VCPIP1: variants seen among roughly 807,000 people sequenced by gnomAD.
VCPIP1 encodes the protein deubiquitinating protein VCPIP1.
In VCPIP1, 8 loss-of-function variants were observed where a neutral mutation model predicts 85.0. That is an observed-to-expected ratio of 0.09 (90% CI 0.06 to 0.17). VCPIP1 has a LOEUF of 0.17. Among genes scored for constraint, VCPIP1 ranks in the 10% least tolerant of loss-of-function variants. The pLI is 1.00. For synonymous variants in VCPIP1, 543 were observed against 544.5 expected, an observed-to-expected ratio of 1.00 and a Z score of 0.04; for missense variants, 1,070 against 1,486.3, an observed-to-expected ratio of 0.72 and a Z score of 4.61.
Position 66,666,785 on chromosome 8 carries a change from T to C in VCPIP1, c.174A>G (p.Leu58=), listed in dbSNP as rs766748553. 15 of 1,613,246 alleles carry C rather than the reference T, an allele frequency of 9.3e-6. No homozygotes were observed. Among genetic ancestry groups the C allele is most frequent in the Middle Eastern group, 1.6e-4 (1 of 6,078 alleles). Reference sequence around the variant, plus strand: ...TGACAGAACCGGAGGCCGGGAAAAATAGACGCGCCTGACACTTCGGATCCG... The same window carrying C: ...TGACAGAACCGGAGGCCGGGAAAAACAGACGCGCCTGACACTTCGGATCCG... ...SCPDPKCQAR[L]FFPASGSVSI... is the part of the protein sequence containing the mutation. Residue 58 remains leucine (L), a synonymous_variant, in exon 1 of 3, where the codon CTA becomes CTG. Transcript: ENST00000310421. The surrounding 1 kb of genome is among the most constrained non-coding windows in gnomAD (Gnocchi z 6.3).
At position 66,635,215 on chromosome 8, in the gene VCPIP1, C is replaced by G; in HGVS notation, c.2955G>C (p.Gln985His). 6.2e-7 allele frequency: 1 copy of G among 1,614,204 alleles called. No homozygotes were observed. Among genetic ancestry groups the G allele is most frequent in the Non-Finnish European group, 8.5e-7 (1 of 1,180,048 alleles). ...VEDLVKEAVSQVRAEATTRSR... is the reference protein window; with the variant it reads ...VEDLVKEAVSHVRAEATTRSR... ...TTCTTGTAGTAGCCTCTGCTCGAAC[C>G]TGACTTACAGCCTCTTTAACTAAAT... Residue 985 changes from glutamine to histidine, a missense_variant, in exon 3 of 3, where the codon CAG (glutamine) becomes CAC (histidine). Gln to His is a conservative substitution (Grantham distance 24). Around this residue, in one of 8 missense-constraint regions of VCPIP1, gnomAD observed 255 missense variants for 289.5 expected, o/e 0.88. Coordinates refer to ENST00000310421, the MANE Select transcript of VCPIP1 (RefSeq NM_025054.5).
chr8:66,666,932 AGGCGGCGGC>A lies in VCPIP1; in HGVS notation c.18_26del (p.Pro8_Pro10del), dbSNP rs760029763. 1 of 1,581,348 alleles carries A rather than the reference AGGCGGCGGC, an allele frequency of 6.3e-7. No individual in the cohort carries two copies. The highest frequency in any genetic ancestry group is 8.5e-7 in the Non-Finnish European group (1 of 1,169,634). On this transcript the variant is annotated inframe_deletion, in exon 1 of 3. Coordinates refer to ENST00000310421, the MANE Select transcript of VCPIP1 (RefSeq NM_025054.5). The surrounding 1 kb of genome is among the most constrained non-coding windows in gnomAD (Gnocchi z 6.3). The stretch of plus-strand genomic sequence containing the variant: ...GGGGAGGAGGTGGCGGCGGCAACGG[AGGCGGCGGC>A]GGCGGCGGCTGAGACATAGCTCCTG...
chr8:66,664,937 T>C lies in VCPIP1; in HGVS notation c.2022A>G (p.Gln674=). Residue 674 remains glutamine (Q), a synonymous_variant, in exon 1 of 3, where the codon CAA becomes CAG. Transcript: ENST00000310421. The part of the protein sequence containing the change: ...TPVNIDGAHA[Q]RVGDVQGQES... Reference sequence around the variant, plus strand: ...CTTGTCCTTGAACATCTCCAACTCTTTGGGCGTGAGCACCATCTATATTTA... The same window carrying C: ...CTTGTCCTTGAACATCTCCAACTCTCTGGGCGTGAGCACCATCTATATTTA... 1.2e-6 allele frequency: 2 copies of C among 1,614,198 alleles called. No individual in the cohort carries two copies. Among genetic ancestry groups the C allele is most frequent in the Non-Finnish European group, 1.7e-6 (2 of 1,180,032 alleles).
rs1811227114 is a variant in VCPIP1 at position 66,667,088 on chromosome 8, T to C, written c.-130A>G. ...GCACTTTCCTTTCCCTACCAGCTCT[T>C]CCTCCTCCTAAGCGAAGGCGGAAGC... On this transcript the variant is annotated 5_prime_UTR_variant, in exon 1 of 3. Coordinates refer to ENST00000310421, the MANE Select transcript of VCPIP1 (RefSeq NM_025054.5). 1 of 1,395,296 alleles carries C rather than the reference T, an allele frequency of 7.2e-7. No individual in the cohort carries two copies. Among genetic ancestry groups the C allele is most frequent in the Admixed American group, 3.1e-5 (1 of 32,354 alleles). 86.4% of individuals were successfully genotyped at this position (1,395,296 alleles called of 1,614,324 possible).
At position 66,664,870 on chromosome 8, in the gene VCPIP1, G is replaced by T. The variant is rs150905328; in HGVS notation, c.2089C>A (p.Gln697Lys). Residue 697 changes from glutamine (Q) to lysine (K), a missense_variant, in exon 1 of 3, where the codon CAG becomes AAG. Coordinates refer to ENST00000310421, the MANE Select transcript of VCPIP1 (RefSeq NM_025054.5). ...QLPTKIILTG[Q>K]KTKTLHKEEL... ...TCCTTGTGCAAAGTTTTTGTTTTCT[G>T]TCCAGTAAGAATAATTTTAGTTGGG... 6.2e-7 allele frequency: 1 copy of T among 1,614,092 alleles called. No homozygotes were observed. Among genetic ancestry groups the T allele is most frequent in the African/African-American group, 1.3e-5 (1 of 75,048 alleles).
At chr8:66,650,075 GT>G (rs1314106797) in intron 2 of VCPIP1, among the ~76,000 whole-genome samples, 1 of 150,716 alleles carries the variant, frequency 6.6e-6, no homozygotes, top group African/African-American at 2.5e-5. Flanking sequence ...TTTTTAAAGA[GT>G]CCTTATCTTT....
chr8:66,656,887 C>T (rs1014999264), intron 1 of VCPIP1, among the ~76,000 whole-genome samples: 2 of 151,450 alleles, frequency 1.3e-5, no homozygotes, highest in Admixed American at 6.6e-5. Flanking sequence ...CCTGGGATTA[C>T]AGGCTTGAGC....
chr8:66,637,943 G>C (rs1810905347), intron 2 of VCPIP1, among the ~76,000 whole-genome samples: 1 of 152,214 alleles, frequency 6.6e-6, no homozygotes, highest in Non-Finnish European at 1.5e-5. Flanking sequence ...TTGCACTCCA[G>C]CCAGGGCGAC....
chr8:66,667,136 A>G lies in VCPIP1; in HGVS notation c.-178T>C. On this transcript the variant is annotated 5_prime_UTR_variant, in exon 1 of 3. Coordinates refer to ENST00000310421, the MANE Select transcript of VCPIP1 (RefSeq NM_025054.5). ...AGCGCCGGACGTTGTTTCTCTTCTT[A>G]CTTCTCCACTGCCGTAGCCGTTGCC... The G allele has an allele frequency of 7.5e-7, 1 of 1,332,662 alleles. No individual in the cohort carries two copies. The allele number at this position is 1,332,662 out of a possible 1,614,324, so 82.6% of individuals were successfully genotyped here. A position where few individuals can be genotyped will look rare whatever the true frequency, so the allele number is the denominator to read the frequency against.
Position 66,666,891 on chromosome 8 carries a change from G to A in VCPIP1, c.68C>T (p.Thr23Ile), listed in dbSNP as rs1382677630. ...PPPPPPEAPQ[T>I]PSSLASAAAS... The stretch of plus-strand genomic sequence containing the variant: ...AGCCGCCGACGCCAAGGACGACGGA[G>A]TCTGTGGAGCCTCAGGGGGAGGAGG... Residue 23 changes from threonine to isoleucine, a missense_variant, in exon 1 of 3, where the codon ACT (threonine) becomes ATT (isoleucine). Thr to Ile is a moderately conservative substitution (Grantham distance 89, BLOSUM62 -1). Around this residue, in one of 8 missense-constraint regions of VCPIP1, gnomAD observed 164 missense variants for 158.6 expected, o/e 1.03. Coordinates refer to ENST00000310421, the MANE Select transcript of VCPIP1 (RefSeq NM_025054.5). The surrounding 1 kb of genome is among the most constrained non-coding windows in gnomAD (Gnocchi z 6.3). 8 of 1,612,350 alleles carry A rather than the reference G, an allele frequency of 5.0e-6. No individual in the cohort carries two copies. Among genetic ancestry groups the A allele is most frequent in the Admixed American group, 1.7e-5 (1 of 59,922 alleles).
chr8:66,643,404 T>TA (rs961254034), intron 2 of VCPIP1, among the ~76,000 whole-genome samples: 6 of 148,614 alleles, frequency 4.0e-5, no homozygotes, highest in Admixed American at 3.4e-4. Flanking sequence ...ATGCCTACAT[T>TA]AAAAAAAAAT....
chr8:66,658,650 G>C (rs550175819), intron 1 of VCPIP1, among the ~76,000 whole-genome samples: 1 of 151,886 alleles, frequency 6.6e-6, no homozygotes. Flanking sequence ...CATCATGCCC[G>C]GCTAATTTTT....
intron 2 of VCPIP1, among the ~76,000 whole-genome samples, chr8:66,650,635 G>A (rs1811042878): frequency 6.6e-6 from 1 of 151,894 alleles, no homozygotes; most frequent in South Asian, 2.1e-4. Flanking sequence ...TAAGATATAC[G>A]CTAAATATGG....
Position 66,665,361 on chromosome 8 carries a change from C to T in VCPIP1, c.1598G>A (p.Ser533Asn). The change falls in exon 1 of 3, where the codon AGT (serine) becomes AAT (asparagine). Residue 533 changes from serine to asparagine, a missense_variant. By Grantham distance (46) the Ser-to-Asn change is conservative (BLOSUM62 1). This residue lies in a region of VCPIP1 where 123 missense variants were observed against 156.3 expected (regional missense o/e 0.79). Coordinates refer to ENST00000310421, the MANE Select transcript of VCPIP1 (RefSeq NM_025054.5). This position sits in a 1 kb window ranked among gnomAD's most constrained non-coding sequence, Gnocchi z 4.3. ...GCACCAATTACAAGCTGTTAGGTTA[C>T]TCATTCCATAGTCTGGTACCAGAAC... Reference protein sequence around the residue: ...KDVLVPDYGMSNLTACNWCHG... With the variant: ...KDVLVPDYGMNNLTACNWCHG... 6.2e-7 allele frequency: 1 copy of T among 1,614,136 alleles called. No individual in the cohort carries two copies. Among genetic ancestry groups the T allele is most frequent in the Non-Finnish European group, 8.5e-7 (1 of 1,179,990 alleles).
At chr8:66,653,416 A>T (rs1299243318) in intron 1 of VCPIP1, 2 of 152,224 alleles carry the variant, frequency 1.3e-5, no homozygotes, top group Non-Finnish European at 2.9e-5. Flanking sequence ...TTTGGAAGAC[A>T]TATCAAAAAA....
Position 66,666,168 on chromosome 8 carries a change from G to C in VCPIP1, c.791C>G (p.Ala264Gly). ...QALFHDFIDA[A>G]EWEDIINECD... ...CTCATTGATAATGTCCTCCCACTCA[G>C]CAGCATCAATGAAGTCATGGAACAG... Residue 264 changes from alanine to glycine, a missense_variant, in exon 1 of 3, where the codon GCT becomes GGT. Transcript: ENST00000310421. The surrounding 1 kb of genome is among the most constrained non-coding windows in gnomAD (Gnocchi z 6.3). 6.2e-7 allele frequency: 1 copy of C among 1,614,172 alleles called. No individual in the cohort carries two copies. Among genetic ancestry groups the C allele is most frequent in the East Asian group, 2.2e-5 (1 of 44,880 alleles).
At chr8:66,641,890 C>T (rs1484864962) in intron 2 of VCPIP1, among the ~76,000 whole-genome samples, 1 of 152,156 alleles carries the variant, frequency 6.6e-6, no homozygotes, top group Non-Finnish European at 1.5e-5. Flanking sequence ...GAATAATGCA[C>T]CTATGAACAT....
At chr8:66,648,952 G>C (rs1395751104) in intron 2 of VCPIP1, among the ~76,000 whole-genome samples, 2 of 152,106 alleles carry the variant, frequency 1.3e-5, no homozygotes, top group Non-Finnish European at 1.5e-5. Context: ...CTGAGCTCAG[G>C]AATTCAAGAC....
chr8:66,659,799 G>C (rs949759274), intron 1 of VCPIP1, among the ~76,000 whole-genome samples: 2 of 152,018 alleles, frequency 1.3e-5, no homozygotes. Flanking sequence ...GGGCGTGGTG[G>C]TGCGCACCTG....
Sources: allele counts gnomAD v4.1 joint callset (sites outside exome capture counted in the v4.1 genomes callset), GRCh38; gene constraint gnomAD v4.1.1; regional missense constraint gnomAD v4.1.1; non-coding constraint Gnocchi (gnomAD v3.1); transcripts MANE v1.5; gene names NCBI Gene and HGNC (gene_info 2026-07-23, HGNC 2026-07-21).